The following SNX3 variants were observed in gnomAD, a reference collection of about 807,000 sequenced individuals.
SNX3 encodes the protein sorting nexin-3.
A neutral mutation model predicts 17.7 loss-of-function variants in SNX3; 5 were observed. The ratio of observed to expected loss-of-function variants is 0.28; its 90% CI spans 0.15 to 0.59. The LOEUF (loss-of-function observed/expected upper bound fraction) is 0.59, where lower values mean the gene tolerates loss of function less well. Among genes scored for constraint, SNX3 ranks in the 20% least tolerant of loss-of-function variants. The pLI is 0.88. For synonymous variants in SNX3, 91 were observed against 76.5 expected, an observed-to-expected ratio of 1.19 and a Z score of -0.99; for missense variants, 132 against 206.8, an observed-to-expected ratio of 0.64 and a Z score of 2.22.
rs59920022 is a variant in SNX3 at position 108,223,497 on chromosome 6, C to CTTTTTTTTT, written c.163-461_163-453dup. 7.2e-4 allele frequency among the ~76,000 whole-genome samples: 79 copies of CTTTTTTTTT among 110,354 alleles called. 7 individuals are homozygous for CTTTTTTTTT. The highest frequency in any genetic ancestry group is 2.9e-3 in the African/African-American group (70 of 23,772). 72.4% of individuals were successfully genotyped at this position (110,354 alleles called of 152,430 possible). A position where few individuals can be genotyped will look rare whatever the true frequency, so the allele number is the denominator to read the frequency against. On this transcript the variant is annotated intron_variant, in intron 1 of 3. Transcript: ENST00000230085. ...ATAACAAAATAAAACTTTGCTAGTT[C>CTTTTTTTTT]TTTTTTTTTTTTTTTTTTTTTTTTT...
chr6:108,235,517 A>C (rs904015344), intron 1 of SNX3, among the ~76,000 whole-genome samples: 1 of 152,192 alleles, frequency 6.6e-6, no homozygotes, highest in Admixed American at 6.5e-5. Flanking sequence ...TGAAGCAATA[A>C]CCTGACTTTG....
At chr6:108,222,136 A>AG (rs1355408745) in intron 2 of SNX3, 22 of 1,108,302 alleles carry the variant, frequency 2.0e-5, no homozygotes, top group African/African-American at 3.3e-5. Flanking sequence ...GGCTAGAAAC[A>AG]GAAAAAAAAA....
intron 1 of SNX3, among the ~76,000 whole-genome samples, chr6:108,227,393 A>G (rs1016971128): frequency 2.0e-5 from 3 of 152,196 alleles, no homozygotes; most frequent in East Asian, 1.9e-4. Context: ...CTGAAACAAC[A>G]TATCAAGCTT....
At chr6:108,254,922 T>C (rs1294584038) in intron 1 of SNX3, among the ~76,000 whole-genome samples, 1 of 152,166 alleles carries the variant, frequency 6.6e-6, no homozygotes, top group African/African-American at 2.4e-5. Context: ...GAGATACCAG[T>C]TCAGGACTGG....
chr6:108,244,859 C>T (rs931189794), intron 1 of SNX3, among the ~76,000 whole-genome samples: 16 of 151,630 alleles, frequency 1.1e-4, no homozygotes, highest in African/African-American at 3.9e-4. Context: ...AGTCTGGTCT[C>T]GAACTCCTGA....
rs1292022023 is a variant in SNX3, at chr6:108,212,137, T to C, written c.*12A>G. On this transcript the variant is annotated 3_prime_UTR_variant, in exon 4 of 4. Transcript: ENST00000230085. The stretch of plus-strand genomic sequence containing the variant: ...CATTAATAGTCACGTTTTTGCCCCT[T>C]CTTGCCAAATTTCAGGCATGTCTTA... The C allele has an allele frequency of 6.6e-7, 1 of 1,516,242 alleles. No homozygotes were observed. Among genetic ancestry groups the C allele is most frequent in the Non-Finnish European group, 9.1e-7 (1 of 1,104,842 alleles). The allele number at this position is 1,516,242 out of a possible 1,614,324, so 93.9% of individuals were successfully genotyped here. A position where few individuals can be genotyped will look rare whatever the true frequency, so the allele number is the denominator to read the frequency against.
intron 1 of SNX3, among the ~76,000 whole-genome samples, chr6:108,257,087 A>C (rs1227702428): frequency 6.6e-6 from 1 of 152,240 alleles, no homozygotes; most frequent in Non-Finnish European, 1.5e-5. Flanking sequence ...TTTTCTCAAG[A>C]CCAGAATGAG....
intron 1 of SNX3, among the ~76,000 whole-genome samples, chr6:108,227,393 A>T (rs1016971128): frequency 2.0e-5 from 3 of 152,196 alleles, no homozygotes; most frequent in African/African-American, 2.4e-5. Context: ...CTGAAACAAC[A>T]TATCAAGCTT....
At position 108,243,650 on chromosome 6, in the gene SNX3, G is replaced by T. The variant is rs558191484; in HGVS notation, c.162+17110C>A. ...ATAGTAAATGAAATCCACATGAAGAGCCAGGCTTGGTGGCTGACACCTGTA... is the reference window on the plus strand; with the variant it reads ...ATAGTAAATGAAATCCACATGAAGATCCAGGCTTGGTGGCTGACACCTGTA... On this transcript the variant is annotated intron_variant, in intron 1 of 3. Transcript: ENST00000230085. Among the ~76,000 whole-genome samples the T allele has an allele frequency of 2.0e-5, 3 of 152,316 alleles. No individual in the cohort carries two copies. The East Asian group carries it at 5.8e-4, about 29-fold the overall frequency.
intron 2 of SNX3, among the ~76,000 whole-genome samples, chr6:108,215,349 G>GA (rs1345107306): frequency 0.1 from 9,696 of 95,688 alleles, 1,097 homozygotes; most frequent in African/African-American, 0.3. Context: ...ACTCCGTCTA[G>GA]AAAAAAAAAA....
rs1016564323 is a variant in SNX3, at chr6:108,215,916, G to A, written c.259-1294C>T. Among the ~76,000 whole-genome samples the A allele has an allele frequency of 7.2e-5, 11 of 152,004 alleles. 1 individual carries two copies. In the South Asian group the frequency reaches 2.3e-3, roughly 32 times the overall value. ...TGCACTCCAGCCTAGGTGACAGCGA[G>A]ACCCCGTCTTAAAAAAAAAATAAAT... On this transcript the variant is annotated intron_variant, in intron 2 of 3. Transcript: ENST00000230085.
At chr6:108,239,027 A>C (rs975412240) in intron 1 of SNX3, among the ~76,000 whole-genome samples, 1 of 151,684 alleles carries the variant, frequency 6.6e-6, no homozygotes, top group African/African-American at 2.4e-5. Context: ...CAGCCTCCCG[A>C]GTAGCTGGAA....
At chr6:108,213,426 C>A (rs1774466947) in intron 3 of SNX3, among the ~76,000 whole-genome samples, 1 of 151,868 alleles carries the variant, frequency 6.6e-6, no homozygotes, top group Non-Finnish European at 1.5e-5. Context: ...CCAAGGCAGG[C>A]AGATCACTTG....
At chr6:108,256,678 G>A (rs147386920) in intron 1 of SNX3, among the ~76,000 whole-genome samples, 1 of 152,294 alleles carries the variant, frequency 6.6e-6, no homozygotes, top group East Asian at 1.9e-4. Context: ...GTTCAAAACA[G>A]TGGTCTCCAG....
rs1257613351 is a variant in SNX3, at chr6:108,212,038, AT to A, written c.*110del. 1.6e-6 allele frequency: 1 copy of A among 618,256 alleles called. No homozygotes were observed. The highest frequency in any genetic ancestry group is 2.9e-5 in the East Asian group (1 of 34,708). 38.3% of individuals were successfully genotyped at this position (618,256 alleles called of 1,614,324 possible). A position where few individuals can be genotyped will look rare whatever the true frequency, so the allele number is the denominator to read the frequency against. ...CAAAACTGAGCATATGAGTGTTAGT[AT>A]ACTGAAGGCATGTTATACCAGTTTC... On this transcript the variant is annotated 3_prime_UTR_variant, in exon 4 of 4. Coordinates refer to ENST00000230085, the MANE Select transcript of SNX3 (RefSeq NM_003795.6).
intron 1 of SNX3, among the ~76,000 whole-genome samples, chr6:108,229,680 T>C (rs1322826653): frequency 2.6e-5 from 4 of 152,216 alleles, no homozygotes; most frequent in Non-Finnish European, 5.9e-5. Context: ...AGGACTCTTT[T>C]AACACAGAGC....
chr6:108,243,532 T>C (rs986071968), intron 1 of SNX3, among the ~76,000 whole-genome samples: 2 of 152,220 alleles, frequency 1.3e-5, no homozygotes, highest in Non-Finnish European at 1.5e-5. Context: ...AACCTTGTTA[T>C]GACTTCAGCA....
intron 1 of SNX3, among the ~76,000 whole-genome samples, chr6:108,234,964 C>G (rs1441530200): frequency 6.6e-6 from 1 of 152,204 alleles, no homozygotes; most frequent in Non-Finnish European, 1.5e-5. Context: ...GGTGAAATTA[C>G]TAGGCCAAAG....
At chr6:108,244,250 G>T (rs1775615838) in intron 1 of SNX3, among the ~76,000 whole-genome samples, 1 of 151,968 alleles carries the variant, frequency 6.6e-6, no homozygotes, top group Non-Finnish European at 1.5e-5. Context: ...CGACCTCCTG[G>T]GCTCAAACAA....
Sources: allele counts gnomAD v4.1 joint callset (sites outside exome capture counted in the v4.1 genomes callset), GRCh38; gene constraint gnomAD v4.1.1; transcripts MANE v1.5; gene names NCBI Gene and HGNC (gene_info 2026-07-23, HGNC 2026-07-21).